EXOC4: variants seen among roughly 807,000 people sequenced by gnomAD.
The protein encoded by EXOC4 is exocyst complex component 4.
Under a neutral mutation model 107.2 loss-of-function variants are expected in EXOC4, and 71 were observed. That is an observed-to-expected ratio of 0.66 (90% CI 0.55 to 0.81). The LOEUF is 0.81. EXOC4 is among the 30% of genes least tolerant of loss of function. EXOC4 has a pLI of 0.00. For synonymous variants in EXOC4, 456 were observed against 441.2 expected, an observed-to-expected ratio of 1.03 and a Z score of -0.42; for missense variants, 1,108 against 1,189.6, an observed-to-expected ratio of 0.93 and a Z score of 1.01.
intron 9 of EXOC4, chr7:133,484,142 A>C: frequency 6.2e-7 from 1 of 1,609,452 alleles, no homozygotes; most frequent in East Asian, 2.2e-5. Context: ...TTTATCATAC[A>C]ATTAGAAATG....
At chr7:133,842,323 C>A (rs141685674) in intron 11 of EXOC4, among the ~76,000 whole-genome samples, 1 of 152,226 alleles carries the variant, frequency 6.6e-6, no homozygotes, top group East Asian at 1.9e-4. Context: ...CTGTTATTGA[C>A]TTTTTAGTAG....
intron 9 of EXOC4, among the ~76,000 whole-genome samples, chr7:133,534,799 T>C (rs932356682): frequency 3.9e-5 from 6 of 152,148 alleles, no homozygotes; most frequent in African/African-American, 7.2e-5. Context: ...GATATCCTCA[T>C]ATCCAGCTGA....
chr7:133,271,987 G>T (rs1445500489), intron 1 of EXOC4, among the ~76,000 whole-genome samples: 1 of 152,028 alleles, frequency 6.6e-6, no homozygotes, highest in Non-Finnish European at 1.5e-5. Context: ...TCTTCAGAGG[G>T]TGTACTTTTT....
chr7:133,765,147 T>C (rs573627733), intron 10 of EXOC4, among the ~76,000 whole-genome samples: 1 of 152,140 alleles, frequency 6.6e-6, no homozygotes, highest in South Asian at 2.1e-4. Context: ...TGAAAATAAG[T>C]TTTCTTTTCT....
At chr7:133,846,962 A>C (rs1392714357) in intron 11 of EXOC4, among the ~76,000 whole-genome samples, 1 of 152,260 alleles carries the variant, frequency 6.6e-6, no homozygotes, top group Non-Finnish European at 1.5e-5. Flanking sequence ...CCTTCCTTAG[A>C]AAGTTACATG....
intron 11 of EXOC4, among the ~76,000 whole-genome samples, chr7:133,880,169 T>C (rs1200353663): frequency 6.6e-6 from 1 of 152,188 alleles, no homozygotes; most frequent in Non-Finnish European, 1.5e-5. Flanking sequence ...TTACCTTGTC[T>C]TTTATACTCA....
At chr7:133,921,258 C>T (rs1799929230) in intron 13 of EXOC4, among the ~76,000 whole-genome samples, 1 of 152,144 alleles carries the variant, frequency 6.6e-6, no homozygotes, top group Non-Finnish European at 1.5e-5. Flanking sequence ...TGAATTCACC[C>T]ATCTCCACCT....
At position 133,825,855 on chromosome 7, in the gene EXOC4, CT is replaced by C. The variant is rs1029908271; in HGVS notation, c.1734+8312del. 9.9e-5 allele frequency among the ~76,000 whole-genome samples: 15 copies of C among 152,154 alleles called. No homozygotes were observed. In the East Asian group the frequency reaches 2.3e-3, roughly 24 times the overall value. ...ACTGATCAATTGATTTTTTTTCCCC[CT>C]GTAAGCTCTGAGAGATGGTGCTAAT... On this transcript the variant is annotated intron_variant, in intron 11 of 17. Coordinates refer to ENST00000253861, the MANE Select transcript of EXOC4 (RefSeq NM_021807.4).
chr7:133,362,543 C>T (rs914731061), intron 6 of EXOC4, among the ~76,000 whole-genome samples: 5 of 152,012 alleles, frequency 3.3e-5, no homozygotes, highest in African/African-American at 4.8e-5. Flanking sequence ...TTCAGAAATA[C>T]GTTGAATTAT....
At chr7:134,079,424 C>CA in the EXOC4 span, among the ~76,000 whole-genome samples, 1 of 151,794 alleles carries the variant, frequency 6.6e-6, no homozygotes, top group African/African-American at 2.4e-5. Flanking sequence ...AAGTCATTTG[C>CA]AAAAAGTTGC....
intron 4 of EXOC4, among the ~76,000 whole-genome samples, chr7:133,313,142 G>GT (rs79182987): frequency 0.32 from 41,520 of 131,284 alleles, 7,557 homozygotes; most frequent in African/African-American, 0.52. Flanking sequence ...TTCAGTTCTT[G>GT]TTTTTTTTTT....
At chr7:133,968,376 G>T (rs1297605341) in intron 14 of EXOC4, among the ~76,000 whole-genome samples, 1 of 152,152 alleles carries the variant, frequency 6.6e-6, no homozygotes, top group African/African-American at 2.4e-5. Flanking sequence ...ATTTGATCCT[G>T]TCATTATGAT....
intron 10 of EXOC4, among the ~76,000 whole-genome samples, chr7:133,709,039 G>C (rs768675100): frequency 3.3e-5 from 5 of 152,188 alleles, no homozygotes; most frequent in Non-Finnish European, 7.3e-5. Context: ...TGTCTTCAAA[G>C]AAATGACATC....
chr7:133,698,663 A>T (rs1023578093), intron 10 of EXOC4, among the ~76,000 whole-genome samples: 2 of 152,030 alleles, frequency 1.3e-5, no homozygotes, highest in African/African-American at 4.8e-5. Context: ...CTATTTCTTA[A>T]ACTTACAAAA....
chr7:133,433,331 A>G (rs1797897079), intron 7 of EXOC4, among the ~76,000 whole-genome samples: 2 of 152,246 alleles, frequency 1.3e-5, no homozygotes, highest in African/African-American at 4.8e-5. Flanking sequence ...GTGACTTGAT[A>G]TAACCAATGG....
Position 133,942,847 on chromosome 7 carries a change from T to C in EXOC4, c.2206+4778T>C, listed in dbSNP as rs117626059. Among the ~76,000 whole-genome samples, 120 of 152,334 alleles carry C rather than the reference T, an allele frequency of 7.9e-4. 1 individual carries two copies. In the East Asian group the frequency reaches 0.022, roughly 28 times the overall value. On this transcript the variant is annotated intron_variant, in intron 14 of 17. Coordinates refer to ENST00000253861, the MANE Select transcript of EXOC4 (RefSeq NM_021807.4). ...TTCTACACCTAAATATATGGAATTA[T>C]TGTACAAACCCCTCTTGAATTTCAT...
intron 9 of EXOC4, among the ~76,000 whole-genome samples, chr7:133,499,062 GTCT>G (rs1302145885): frequency 2.0e-5 from 3 of 148,742 alleles, no homozygotes; most frequent in Admixed American, 6.7e-5. Flanking sequence ...CCGGTAGTAT[GTCT>G]TCTTCTTTTA....
chr7:133,845,381 TTATA>T (rs1798105129), intron 11 of EXOC4, among the ~76,000 whole-genome samples: 1 of 147,472 alleles, frequency 6.8e-6, no homozygotes, highest in Admixed American at 6.8e-5. Flanking sequence ...AAATACAATA[TTATA>T]TATAATATAC....
chr7:133,801,644 A>G lies in EXOC4; in HGVS notation c.1515-15681A>G, dbSNP rs569371997. Among the ~76,000 whole-genome samples, 23 of 152,338 alleles carry G rather than the reference A, an allele frequency of 1.5e-4. 1 individual carries two copies. The highest frequency in any genetic ancestry group is 5.1e-4 in the African/African-American group (21 of 41,578). On this transcript the variant is annotated intron_variant, in intron 10 of 17. Coordinates refer to ENST00000253861, the MANE Select transcript of EXOC4 (RefSeq NM_021807.4). ...GTGCTGTTAGGGGAAATGGCCAACCAGGTTACAGAGAAACCCACATAGTCT... is the reference window on the plus strand; with the variant it reads ...GTGCTGTTAGGGGAAATGGCCAACCGGGTTACAGAGAAACCCACATAGTCT...
Sources: allele counts gnomAD v4.1 joint callset (sites outside exome capture counted in the v4.1 genomes callset), GRCh38; gene constraint gnomAD v4.1.1; transcripts MANE v1.5; gene names NCBI Gene and HGNC (gene_info 2026-07-23, HGNC 2026-07-21).